FOXP2: variants seen among roughly 807,000 people sequenced by gnomAD.
FOXP2 encodes the protein forkhead box protein P2.
FOXP2 carries 12 observed loss-of-function variants against 115.8 expected under a neutral mutation model. The ratio of observed to expected loss-of-function variants is 0.10; its 90% confidence interval spans 0.07 to 0.17. FOXP2 has a LOEUF of 0.17. Among genes scored for constraint, FOXP2 ranks in the 10% least tolerant of loss-of-function variants. FOXP2 has a pLI of 1.00. For missense variants in FOXP2, 629 were observed against 843.5 expected, an observed-to-expected ratio of 0.75 and a Z score of 3.15; for synonymous variants, 328 against 297.7, an observed-to-expected ratio of 1.10 and a Z score of -1.05.
chr7:114,196,232 C>T (rs562665727), intron 1 of FOXP2, among the ~76,000 whole-genome samples: 2 of 151,922 alleles, frequency 1.3e-5, no homozygotes, highest in South Asian at 2.1e-4. Context: ...GGATAGTCTC[C>T]ATCTCTTGAC....
chr7:114,561,586 G>A (rs576955337), intron 3 of FOXP2: 7 of 152,012 alleles, frequency 4.6e-5, no homozygotes, highest in Admixed American at 3.3e-4. Flanking sequence ...TGTAAATTTG[G>A]ATCTTCATGT....
chr7:114,414,797 G>T (rs1793259654), upstream of FOXP2: 1 of 303,104 alleles, frequency 3.3e-6, no homozygotes, highest in South Asian at 3.2e-5. Flanking sequence ...AATAAGGGAA[G>T]CAAGAAGTGT....
chr7:114,617,489 T>G (rs1387480571), intron 3 of FOXP2, among the ~76,000 whole-genome samples: 1 of 151,878 alleles, frequency 6.6e-6, no homozygotes, highest in Non-Finnish European at 1.5e-5. Context: ...CATGTTTCCC[T>G]ACTCTCTAAT....
chr7:114,479,499 C>A (rs1342264564), intron 2 of FOXP2, among the ~76,000 whole-genome samples: 2 of 146,222 alleles, frequency 1.4e-5, no homozygotes, highest in African/African-American at 5.1e-5. Context: ...AAATGGAGAA[C>A]TAAATGAGAA....
intron 1 of FOXP2, among the ~76,000 whole-genome samples, chr7:114,278,206 G>A (rs1796240874): frequency 6.6e-6 from 1 of 151,730 alleles, no homozygotes; most frequent in African/African-American, 2.4e-5. Flanking sequence ...AGAGAAAAGA[G>A]GCAAAAATGT....
At chr7:114,271,476 T>TTA (rs1307482035) in intron 1 of FOXP2, among the ~76,000 whole-genome samples, 12 of 135,870 alleles carry the variant, frequency 8.8e-5, no homozygotes, top group South Asian at 8.6e-4. Flanking sequence ...CTGAGAGGAT[T>TTA]TATATATATA....
At chr7:114,209,683 A>G (rs953885397) in intron 1 of FOXP2, among the ~76,000 whole-genome samples, 11 of 152,098 alleles carry the variant, frequency 7.2e-5, no homozygotes, top group East Asian at 3.9e-4. Context: ...CCTGAATTCA[A>G]TGTTGGCCTG....
chr7:114,598,777 A>G lies in FOXP2; in HGVS notation c.259-29763A>G, dbSNP rs116731212. 5.0e-3 allele frequency among the ~76,000 whole-genome samples: 767 copies of G among 152,244 alleles called. 4 individuals carry two copies. Among genetic ancestry groups the G allele is most frequent in the African/African-American group, 0.018 (727 of 41,524 alleles). On this transcript the variant is annotated intron_variant, in intron 3 of 16. Transcript: ENST00000350908. ...AGTTTTTGTGAAGTATAACATTTCTATAAAAAGTACATTAACCAGAAATAC... is the reference window on the plus strand; with the variant it reads ...AGTTTTTGTGAAGTATAACATTTCTGTAAAAAGTACATTAACCAGAAATAC...
chr7:114,261,024 T>A (rs903790384), intron 1 of FOXP2, among the ~76,000 whole-genome samples: 6 of 152,176 alleles, frequency 3.9e-5, no homozygotes, highest in Non-Finnish European at 7.3e-5. Context: ...TCTTCTTAAA[T>A]AGTAGTAGAT....
intron 3 of FOXP2, among the ~76,000 whole-genome samples, chr7:114,582,075 A>G (rs1320972416): frequency 1.3e-5 from 2 of 152,200 alleles, no homozygotes; most frequent in East Asian, 1.9e-4. Flanking sequence ...ATCTTGGTGC[A>G]GGGGAGATGT....
intron 2 of FOXP2, among the ~76,000 whole-genome samples, chr7:114,431,068 A>C (rs1794087551): frequency 6.6e-6 from 1 of 152,044 alleles, no homozygotes. Flanking sequence ...GTGCATTCTT[A>C]AGTTCCATTC....
intron 2 of FOXP2, chr7:114,297,061 T>C: frequency 2.5e-6 from 1 of 393,804 alleles, no homozygotes; most frequent in South Asian, 2.1e-5. Flanking sequence ...TGCATTTTTT[T>C]TTTTCCTGTC....
chr7:114,296,496 T>G (rs1043564396), intron 2 of FOXP2, among the ~76,000 whole-genome samples: 13 of 152,280 alleles, frequency 8.5e-5, no homozygotes, highest in African/African-American at 3.1e-4. Flanking sequence ...TGTGGAGTTT[T>G]TTTTTTCTTT....
intron 2 of FOXP2, among the ~76,000 whole-genome samples, chr7:114,353,334 CTTTTTTTTTTT>C (rs138925770): frequency 3.1e-5 from 2 of 64,114 alleles, no homozygotes; most frequent in Admixed American, 2.4e-4. Context: ...ATAGGAGCCT[CTTTTTTTTTTT>C]TTTTTTTTTT....
chr7:114,644,589 A>T, intron 7 of FOXP2, 96 bp from the exon 8 acceptor site: 1 of 979,944 alleles, frequency 1.0e-6, no homozygotes, highest in Non-Finnish European at 1.6e-6. Flanking sequence ...ACCTGTTTTG[A>T]CCTGTTTGTC....
chr7:114,155,786 T>G (rs942978386), intron 1 of FOXP2, among the ~76,000 whole-genome samples: 8 of 152,072 alleles, frequency 5.3e-5, no homozygotes, highest in Non-Finnish European at 8.8e-5. Flanking sequence ...TATTAAAACG[T>G]TTTCGATCAG....
chr7:114,149,133 T>A (rs901818984), intron 1 of FOXP2, among the ~76,000 whole-genome samples: 1 of 152,072 alleles, frequency 6.6e-6, no homozygotes, highest in Admixed American at 6.6e-5. Context: ...TCTTTAAATA[T>A]CCTAATGTCA....
intron 6 of FOXP2, among the ~76,000 whole-genome samples, chr7:114,641,802 T>C (rs1426584220): frequency 6.6e-6 from 1 of 151,872 alleles, no homozygotes; most frequent in African/African-American, 2.4e-5. Flanking sequence ...TTTATTTTTA[T>C]TTTTTATTTT....
intron 1 of FOXP2, among the ~76,000 whole-genome samples, chr7:114,254,499 C>G (rs374530741): frequency 3.9e-5 from 6 of 152,154 alleles, no homozygotes; most frequent in African/African-American, 1.2e-4. Context: ...TTTCTTTTTA[C>G]TCTTTTTTCT....
Sources: gnomAD v4.1 joint callset for allele counts (sites outside exome capture counted in the v4.1 genomes callset) on GRCh38, gnomAD v4.1.1 for gene constraint, MANE v1.5 for transcripts, NCBI Gene and HGNC (gene_info 2026-07-23, HGNC 2026-07-21) for gene names.